Variants in FHIP2B observed in about 807,000 individuals in gnomAD.
FHIP2B encodes FHF complex subunit HOOK-interacting protein 2B.
Under a neutral mutation model 84.0 loss-of-function variants are expected in FHIP2B, and 72 were observed. The ratio of observed to expected loss-of-function variants is 0.86; its 90% CI spans 0.71 to 1.04. The LOEUF is 1.04. Among genes scored for constraint, FHIP2B ranks in the 50% least tolerant of loss-of-function variants. The pLI is 0.00. For missense variants in FHIP2B, 972 were observed against 968.9 expected, an observed-to-expected ratio of 1.00 and a Z score of -0.04; for synonymous variants, 497 against 418.7, an observed-to-expected ratio of 1.19 and a Z score of -2.28.
At chr8:22,092,722 G>A (rs1825560349) in intron 1 of FHIP2B, among the ~76,000 whole-genome samples, 1 of 152,172 alleles carries the variant, frequency 6.6e-6, no homozygotes, top group Admixed American at 6.5e-5. Context: ...ACACTTTGCA[G>A]AGTTCCTTCT....
intron 14 of FHIP2B, 65 bp from the exon 15 acceptor site, chr8:22,102,110 T>C: frequency 6.2e-7 from 1 of 1,611,374 alleles, no homozygotes; most frequent in East Asian, 2.2e-5. Context: ...GGCACCTTGC[T>C]GGGGGAGTGC....
In FHIP2B at chr8:22,104,148, G is replaced by GC. The variant is rs1284435114; in HGVS notation, c.*1218dup. ...CTCTGCCTCTCCCACATTCCTCCCC[G>GC]CGGGGGAGGACCTCGCCGCTCTGAA... On this transcript the variant is annotated 3_prime_UTR_variant, in exon 17 of 17. Coordinates refer to ENST00000289921, the MANE Select transcript of FHIP2B (RefSeq NM_022749.7). 1 of 152,372 alleles carries GC rather than the reference G, an allele frequency of 6.6e-6. No homozygotes were observed. Among genetic ancestry groups the GC allele is most frequent in the Non-Finnish European group, 1.5e-5 (1 of 68,036 alleles). 9.4% of individuals were successfully genotyped at this position (152,372 alleles called of 1,614,324 possible).
rs1335328940 is a variant in FHIP2B at position 22,102,510 on chromosome 8, C to G, written c.1993-18C>G. On this transcript the variant is annotated intron_variant, in intron 15 of 16. Coordinates refer to ENST00000289921, the MANE Select transcript of FHIP2B (RefSeq NM_022749.7). Reference sequence around the variant, plus strand: ...GTGTTGCTGGCCCCATCTGAGTCCCCTGTGATTCCCGCTGTAGGTGATCGG... The same window carrying G: ...GTGTTGCTGGCCCCATCTGAGTCCCGTGTGATTCCCGCTGTAGGTGATCGG... The G allele has an allele frequency of 1.3e-6, 2 of 1,552,470 alleles. No individual in the cohort carries two copies. The highest frequency in any genetic ancestry group is 3.9e-5 in the Admixed American group (2 of 51,106).
chr8:22,102,094 T>C, intron 14 of FHIP2B, 81 bp from the exon 15 acceptor site: 3 of 1,607,798 alleles, frequency 1.9e-6, no homozygotes, highest in South Asian at 2.2e-5. Flanking sequence ...ACGTTCACAG[T>C]GGCCAGGCAC....
Position 22,099,283 on chromosome 8 carries a change from G to A in FHIP2B, c.1075-1G>A. ...ACACATTGGCGCTCTCTGGCACCCA[G>A]GTGGTTGCGGACGCCTTGGCGAAGG... On this transcript the variant is annotated splice_acceptor_variant, in intron 8 of 16. Transcript: ENST00000289921. LOFTEE classifies it high-confidence loss of function. 2.5e-6 allele frequency: 4 copies of A among 1,613,698 alleles called. No homozygotes were observed. The highest frequency in any genetic ancestry group is 3.4e-6 in the Non-Finnish European group (4 of 1,179,830).
intron 9 of FHIP2B, among the ~76,000 whole-genome samples, 167 bp from the exon 10 acceptor site, chr8:22,099,537 G>C (rs1158422644): frequency 6.6e-6 from 1 of 152,188 alleles, no homozygotes; most frequent in Non-Finnish European, 1.5e-5. Context: ...GAGCTACGTG[G>C]GCTAAACGAA....
At position 22,098,101 on chromosome 8, in the gene FHIP2B, G is replaced by A. The variant is rs542918588; in HGVS notation, c.559G>A (p.Gly187Arg). ...KKIVGRKKAC[G>R]EPTALPKDTT... ...GATTGTAGGTAGGAAGAAAGCATGCGGAGAACCCACTGCCCTGCCTAAGGA... is the reference window on the plus strand; with the variant it reads ...GATTGTAGGTAGGAAGAAAGCATGCAGAGAACCCACTGCCCTGCCTAAGGA... The change falls in exon 6 of 17, where the codon GGA becomes AGA. Residue 187 changes from glycine to arginine, a missense_variant. Physicochemically the swap from Gly to Arg is moderately radical, Grantham distance 125. Transcript: ENST00000289921. 7.5e-6 allele frequency: 12 copies of A among 1,591,026 alleles called. No homozygotes were observed. In the East Asian group the frequency reaches 9.2e-5, roughly 12 times the overall value.
At chr8:22,092,846 T>C (rs1321327070) in intron 1 of FHIP2B, among the ~76,000 whole-genome samples, 2 of 152,196 alleles carry the variant, frequency 1.3e-5, no homozygotes, top group African/African-American at 4.8e-5. Flanking sequence ...TACCCCTGTT[T>C]TTCTGAGAGG....
At chr8:22,097,993 C>T in intron 5 of FHIP2B, 75 bp from the exon 6 acceptor site, 2 of 1,527,034 alleles carry the variant, frequency 1.3e-6, no homozygotes, top group Non-Finnish European at 1.8e-6. Flanking sequence ...TGCTGGCAGC[C>T]CACCCTGCGG....
At chr8:22,091,688 C>A (rs148254670) in intron 1 of FHIP2B, among the ~76,000 whole-genome samples, 1 of 152,184 alleles carries the variant, frequency 6.6e-6, no homozygotes, top group African/African-American at 2.4e-5. Flanking sequence ...CTGCCTCTCC[C>A]GTGTCTCCTG....
Position 22,098,273 on chromosome 8 carries a change from A to C in FHIP2B, c.731A>C (p.Asn244Thr), listed in dbSNP as rs144079413. The C allele has an allele frequency of 2.6e-3, 3,981 of 1,512,652 alleles. 106 individuals are homozygous for C. The East Asian group carries it at 0.073, about 28-fold the overall frequency. The allele number at this position is 1,512,652 out of a possible 1,614,324, so 93.7% of individuals were successfully genotyped here. Residue 244 changes from asparagine to threonine, a missense_variant, in exon 6 of 17, where the codon AAC becomes ACC. By Grantham distance (65) the Asn-to-Thr change is moderately conservative. Coordinates refer to ENST00000289921, the MANE Select transcript of FHIP2B (RefSeq NM_022749.7). ...CTGGACGGTGGGACCACAGAGAGCA[A>C]CCTGATTACCTCCCTGCTTGGGCTG... ...EELDGGTTES[N>T]LITSLLGLCQ...
chr8:22,089,586 G>A (rs1353865228), intron 1 of FHIP2B, among the ~76,000 whole-genome samples: 1 of 151,924 alleles, frequency 6.6e-6, no homozygotes, highest in African/African-American at 2.4e-5. Context: ...CCCAATTCCC[G>A]AACTCGCCTC....
At chr8:22,098,799 C>A in intron 7 of FHIP2B, 149 bp from the exon 8 acceptor site, 2 of 924,634 alleles carry the variant, frequency 2.2e-6, no homozygotes, top group Non-Finnish European at 3.2e-6. Flanking sequence ...ACTGGTTTTG[C>A]TGCCTCTGTC....
Position 22,102,007 on chromosome 8 carries a change from C to T in FHIP2B, c.1851+156C>T, listed in dbSNP as rs116652387. 7.8e-5 allele frequency: 118 copies of T among 1,507,684 alleles called. 1 individual carries two copies. In the African/African-American group the frequency reaches 1.3e-3, roughly 17 times the overall value. The allele number at this position is 1,507,684 out of a possible 1,614,324, so 93.4% of individuals were successfully genotyped here. A position where few individuals can be genotyped will look rare whatever the true frequency, so the allele number is the denominator to read the frequency against. The stretch of plus-strand genomic sequence containing the variant: ...AGCCCCGTCTCACCCCTGCTCCACA[C>T]GTCCTAACACGTTCTGGCCCTCAGC... On this transcript the variant is annotated intron_variant, in intron 14 of 16. Coordinates refer to ENST00000289921, the MANE Select transcript of FHIP2B (RefSeq NM_022749.7).
rs756553229 is a variant in FHIP2B, at chr8:22,099,329, G to A, written c.1120G>A (p.Val374Met). Reference sequence around the variant, plus strand: ...GAAGGCTGTGGCTGAGAACTTCTTCGTGGAGACCCTGCAGCCCCAGCTCCT... The same window carrying A: ...GAAGGCTGTGGCTGAGAACTTCTTCATGGAGACCCTGCAGCCCCAGCTCCT... ...LAKAVAENFF[V>M]ETLQPQLLHV... Residue 374 changes from valine (V) to methionine (M), a missense_variant, in exon 9 of 17, where the codon GTG becomes ATG. Transcript: ENST00000289921. The A allele has an allele frequency of 1.2e-5, 19 of 1,613,644 alleles. No individual in the cohort carries two copies. In the Admixed American group the frequency reaches 2.0e-4, roughly 17 times the overall value.
At chr8:22,096,747 A>C (rs1825793284) in intron 3 of FHIP2B, 2 of 502,922 alleles carry the variant, frequency 4.0e-6, no homozygotes, top group Non-Finnish European at 6.8e-6. Flanking sequence ...GGGCGAGAGG[A>C]GCAAACAGGA....
intron 3 of FHIP2B, among the ~76,000 whole-genome samples, chr8:22,097,228 C>T (rs377360298): frequency 3.3e-5 from 5 of 151,956 alleles, no homozygotes; most frequent in African/African-American, 9.7e-5. Flanking sequence ...CCCTCTGAGC[C>T]GGAACTGAGG....
chr8:22,091,379 G>C (rs893066517), intron 1 of FHIP2B, among the ~76,000 whole-genome samples: 17 of 151,868 alleles, frequency 1.1e-4, no homozygotes, highest in African/African-American at 4.1e-4. Flanking sequence ...GAGTAGCTGG[G>C]ACTACAGGGC....
At chr8:22,101,643 G>T (rs1227369844) in intron 13 of FHIP2B, 65 bp from the exon 14 acceptor site, 1 of 1,562,068 alleles carries the variant, frequency 6.4e-7, no homozygotes, top group Non-Finnish European at 8.7e-7. Flanking sequence ...TCCCTCCTGC[G>T]TGGGGCCCTG....
Sources: allele counts gnomAD v4.1 joint callset (sites outside exome capture counted in the v4.1 genomes callset), GRCh38; gene constraint gnomAD v4.1.1; transcripts MANE v1.5; gene names NCBI Gene and HGNC (gene_info 2026-07-23, HGNC 2026-07-21).